PPRC1: variants seen among roughly 807,000 people sequenced by gnomAD.
PPRC1 encodes the protein peroxisome proliferator-activated receptor gamma coactivator-related protein 1.
Under a neutral mutation model 132.5 loss-of-function variants are expected in PPRC1, and 23 were observed. That is an observed-to-expected ratio of 0.17 (90% confidence interval 0.12 to 0.25). The LOEUF (loss-of-function observed/expected upper bound fraction) is 0.25. PPRC1 is among the 10% of genes least tolerant of loss of function. The probability of loss-of-function intolerance (pLI) is 1.00; values close to 1 mark genes in which losing one functional copy is unlikely to be tolerated. For synonymous variants in PPRC1, 872 were observed against 833.5 expected, an observed-to-expected ratio of 1.05 and a Z score of -0.80; for missense variants, 2,006 against 2,089.1, an observed-to-expected ratio of 0.96 and a Z score of 0.78.
chr10:102,129,074 C>T (rs532332425), upstream of PPRC1, among the ~76,000 whole-genome samples: 4 of 150,584 alleles, frequency 2.7e-5, no homozygotes, highest in East Asian at 2.0e-4. Context: ...GGACTACAGG[C>T]GCCCGCCACC....
At chr10:102,129,937 C>T (rs1192123226), upstream of PPRC1, among the ~76,000 whole-genome samples, 1 of 152,232 alleles carries the variant, frequency 6.6e-6, no homozygotes, top group East Asian at 1.9e-4. Flanking sequence ...ATCTTCCACA[C>T]AGGAAAAACT....
chr10:102,128,987 T>C (rs2068503104), upstream of PPRC1, among the ~76,000 whole-genome samples: 2 of 134,752 alleles, frequency 1.5e-5, no homozygotes, highest in Non-Finnish European at 3.1e-5. Flanking sequence ...TGGAGTGCAG[T>C]GGCGCGATCT....
At chr10:102,125,166 C>T in the PPRC1 span, among the ~76,000 whole-genome samples, 1 of 152,022 alleles carries the variant, frequency 6.6e-6, no homozygotes, top group African/African-American at 2.4e-5. Context: ...TCTCAGCTCA[C>T]TGCAACCTCT....
In PPRC1 at chr10:102,140,693, G is replaced by T. The variant is rs200991271; in HGVS notation, c.2185G>T (p.Val729Phe). ...GACCATCATCCCTGAAGTCAAAGAG[G>T]TTGTGGATTCTCTGAAAATTGAAAG... ...PKTIIPEVKE[V>F]VDSLKIESGT... is the part of the protein sequence containing the mutation. Residue 729 changes from valine (V) to phenylalanine (F), a missense_variant, in exon 5 of 14, where the codon GTT (valine) becomes TTT (phenylalanine). By Grantham distance (50) the Val-to-Phe change is conservative. Transcript: ENST00000278070. 2 of 1,614,072 alleles carry T rather than the reference G, an allele frequency of 1.2e-6. No individual in the cohort carries two copies. The highest frequency in any genetic ancestry group is 8.5e-7 in the Non-Finnish European group (1 of 1,180,018).
chr10:102,133,356 G>A (rs2068593285), intron 1 of PPRC1, 135 bp downstream of exon 1: 2 of 735,336 alleles, frequency 2.7e-6, no homozygotes, highest in African/African-American at 1.8e-5. Flanking sequence ...GCCGGAGCAA[G>A]TGGGCCCTAG....
In PPRC1 at chr10:102,141,937, G is replaced by T. The variant is rs1358207334; in HGVS notation, c.3429G>T (p.Leu1143=). 17 of 1,614,018 alleles carry T rather than the reference G, an allele frequency of 1.1e-5. No individual in the cohort carries two copies. The highest frequency in any genetic ancestry group is 1.7e-5 in the Admixed American group (1 of 59,992). The change falls in exon 5 of 14, where the codon CTG becomes CTT. Residue 1143 remains leucine, a synonymous_variant. Coordinates refer to ENST00000278070, the MANE Select transcript of PPRC1 (RefSeq NM_015062.5). ...TCCACCCAGCCCGTCTAAGGAAGCT[G>T]TCCTTCCTGCCTACCCCACGTACTC... ...PAVHPARLRK[L]SFLPTPRTQG...
chr10:102,147,122 C>G lies in PPRC1; in HGVS notation c.4130C>G (p.Ser1377Cys). 7 of 1,614,218 alleles carry G rather than the reference C, an allele frequency of 4.3e-6. No individual in the cohort carries two copies. Among genetic ancestry groups the G allele is most frequent in the Non-Finnish European group, 5.9e-6 (7 of 1,180,046 alleles). ...APCLAPSSLLSPEASPCRNDM... is the reference protein window; with the variant it reads ...APCLAPSSLLCPEASPCRNDM... ...TGCCTTGCCCCATCCAGCTTGCTGTCCCCTGAGGCCTCACCCTGCCGGAAT... is the reference window on the plus strand; with the variant it reads ...TGCCTTGCCCCATCCAGCTTGCTGTGCCCTGAGGCCTCACCCTGCCGGAAT... The change falls in exon 9 of 14, where the codon TCC becomes TGC. Residue 1377 changes from serine to cysteine, a missense_variant. Around this residue, in one of 2 missense-constraint regions of PPRC1, gnomAD observed 1,914 missense variants for 1,917.2 expected, o/e 1.00. Coordinates refer to ENST00000278070, the MANE Select transcript of PPRC1 (RefSeq NM_015062.5).
In PPRC1 at chr10:102,138,048, G is replaced by T. The variant is rs759083280; in HGVS notation, c.342+10G>T. 2.2e-5 allele frequency: 36 copies of T among 1,609,232 alleles called. No homozygotes were observed. Among genetic ancestry groups the T allele is most frequent in the Non-Finnish European group, 3.1e-5 (36 of 1,177,326 alleles). On this transcript the variant is annotated intron_variant, in intron 2 of 13. Coordinates refer to ENST00000278070, the MANE Select transcript of PPRC1 (RefSeq NM_015062.5). ...TGGGAGCCTTGGAGAGGTGAGCTGG[G>T]GCTGGACTCTGAAATCTTCAAGCAG...
intron 2 of PPRC1, 135 bp downstream of exon 2, chr10:102,138,173 TA>T: frequency 1.1e-6 from 1 of 926,378 alleles, no homozygotes; most frequent in Non-Finnish European, 1.6e-6. Flanking sequence ...CCTTGAAGTG[TA>T]TTTTTTGTCT....
chr10:102,129,554 T>G (rs1027974744), upstream of PPRC1, among the ~76,000 whole-genome samples: 6 of 152,206 alleles, frequency 3.9e-5, no homozygotes, highest in African/African-American at 1.4e-4. Context: ...AGTCTTCCTC[T>G]CAAAGCCTTA....
In PPRC1 at chr10:102,146,509, C is replaced by G. The variant is rs191056180; in HGVS notation, c.3680-163C>G. On this transcript the variant is annotated intron_variant, in intron 8 of 13. Coordinates refer to ENST00000278070, the MANE Select transcript of PPRC1 (RefSeq NM_015062.5). ...TCTTGCTGGTCCCCAAGTTGGGGAACATGGGGAAGGGGCAGTTGAAGCAGT... is the reference window on the plus strand; with the variant it reads ...TCTTGCTGGTCCCCAAGTTGGGGAAGATGGGGAAGGGGCAGTTGAAGCAGT... 1.4e-3 allele frequency among the ~76,000 whole-genome samples: 219 copies of G among 152,140 alleles called. 1 individual carries two copies. Among genetic ancestry groups the G allele is most frequent in the African/African-American group, 5.0e-3 (209 of 41,478 alleles).
At chr10:102,149,403 T>C in intron 13 of PPRC1, 74 bp downstream of exon 13, 1 of 1,459,076 alleles carries the variant, frequency 6.9e-7, no homozygotes. Flanking sequence ...CCTTTGTGAG[T>C]GGGGCTAGGC....
At chr10:102,127,540 G>A in the PPRC1 span, among the ~76,000 whole-genome samples, 1 of 151,880 alleles carries the variant, frequency 6.6e-6, no homozygotes, top group Non-Finnish European at 1.5e-5. Flanking sequence ...CCGAGTAGCT[G>A]GGATTACAGG....
intron 2 of PPRC1, 44 bp from the exon 3 acceptor site, chr10:102,138,575 A>G (rs780321600): frequency 3.1e-6 from 5 of 1,604,098 alleles, no homozygotes; most frequent in Non-Finnish European, 4.3e-6. Context: ...ATAGTAGGTC[A>G]TTAGGGATGT....
chr10:102,139,023 G>T, intron 4 of PPRC1, 43 bp downstream of exon 4: 1 of 1,603,424 alleles, frequency 6.2e-7, no homozygotes, highest in Non-Finnish European at 8.5e-7. Flanking sequence ...CAGGTGGGAG[G>T]AGGAGTGTGT....
At chr10:102,149,811 A>C in intron 13 of PPRC1, 115 bp from the exon 14 acceptor site, 1 of 800,890 alleles carries the variant, frequency 1.2e-6, no homozygotes, top group Non-Finnish European at 2.2e-6. Flanking sequence ...TTTGACTTAA[A>C]ATTAGAGCAG....
the PPRC1 span, among the ~76,000 whole-genome samples, chr10:102,122,109 G>C: frequency 6.6e-6 from 1 of 151,984 alleles, no homozygotes; most frequent in Non-Finnish European, 1.5e-5. Flanking sequence ...CCCCCACCAG[G>C]AGCAGAGAGG....
At chr10:102,125,534 A>C in the PPRC1 span, among the ~76,000 whole-genome samples, 1 of 152,160 alleles carries the variant, frequency 6.6e-6, no homozygotes, top group African/African-American at 2.4e-5. Flanking sequence ...CTGGGATTAC[A>C]GGGGTGAGCC....
chr10:102,140,482 T>C lies in PPRC1; in HGVS notation c.1974T>C (p.Ala658=). 6.2e-7 allele frequency: 1 copy of C among 1,614,190 alleles called. No individual in the cohort carries two copies. Among genetic ancestry groups the C allele is most frequent in the Non-Finnish European group, 8.5e-7 (1 of 1,180,018 alleles). ...CAGATAACTTGCCACCAGTTGATGC[T>C]GTCCCGTCTGGCCCAGCACCAGTTG... ...PISDNLPPVD[A]VPSGPAPVDL... The change falls in exon 5 of 14, where the codon GCT becomes GCC. Residue 658 remains alanine (A), a synonymous_variant. Coordinates refer to ENST00000278070, the MANE Select transcript of PPRC1 (RefSeq NM_015062.5).
Sources: allele counts gnomAD v4.1 joint callset (sites outside exome capture counted in the v4.1 genomes callset), GRCh38; gene constraint gnomAD v4.1.1; regional missense constraint gnomAD v4.1.1; transcripts MANE v1.5; gene names NCBI Gene and HGNC (gene_info 2026-07-23, HGNC 2026-07-21).